The following MARK1 variants were observed in gnomAD, a reference collection of about 807,000 sequenced individuals.
MARK1 encodes the protein serine/threonine-protein kinase MARK1.
A neutral mutation model predicts 96.3 loss-of-function variants in MARK1; 40 were observed. That is an observed-to-expected ratio of 0.42 (90% CI 0.32 to 0.54). The LOEUF is 0.54. Among genes scored for constraint, MARK1 ranks in the 20% least tolerant of loss-of-function variants. The probability of loss-of-function intolerance (pLI) is 0.16; values close to 1 mark genes in which losing one functional copy is unlikely to be tolerated. For missense variants in MARK1, 719 were observed against 984.6 expected (o/e 0.73, Z 3.61); for synonymous variants, 317 against 341.2 (o/e 0.93, Z 0.78).
At chr1:220,547,906 C>G (rs991139950) in intron 1 of MARK1, among the ~76,000 whole-genome samples, 6 of 152,196 alleles carry the variant, frequency 3.9e-5, no homozygotes, top group Non-Finnish European at 8.8e-5. Flanking sequence ...ACACATAATG[C>G]TGCAAACTCC....
intron 1 of MARK1, among the ~76,000 whole-genome samples, chr1:220,553,689 A>G (rs576196416): frequency 1.3e-5 from 2 of 152,282 alleles, no homozygotes; most frequent in Admixed American, 1.3e-4. Flanking sequence ...CCTATGGTCA[A>G]TTGCTCAGTG....
intron 1 of MARK1, among the ~76,000 whole-genome samples, chr1:220,544,537 T>C (rs1048689545): frequency 6.6e-6 from 1 of 152,214 alleles, no homozygotes; most frequent in Non-Finnish European, 1.5e-5. Flanking sequence ...CCCCTTGATA[T>C]TGGACTTCCC....
intron 17 of MARK1, 27 bp from the exon 18 acceptor site, chr1:220,661,785 T>C: frequency 6.6e-7 from 1 of 1,517,874 alleles, no homozygotes. Context: ...TTTGCTTTCA[T>C]TCTTTCCCTT....
In MARK1 at chr1:220,534,488, A is replaced by G. The variant is rs187120295; in HGVS notation, c.51+5615A>G. Among the ~76,000 whole-genome samples, 390 of 152,136 alleles carry G rather than the reference A, an allele frequency of 2.6e-3. 4 individuals carry two copies. In the South Asian group the frequency reaches 0.031, roughly 12 times the overall value. On this transcript the variant is annotated intron_variant, in intron 1 of 17. Coordinates refer to ENST00000366917, the MANE Select transcript of MARK1 (RefSeq NM_018650.5). The stretch of plus-strand genomic sequence containing the variant: ...TTTGTTAACCACCAATCTACTCTCT[A>G]TCTTCATGAGATCGCTTTTTTAACT...
At chr1:220,563,171 A>G (rs1275644268) in intron 1 of MARK1, among the ~76,000 whole-genome samples, 1 of 152,194 alleles carries the variant, frequency 6.6e-6, no homozygotes, top group Non-Finnish European at 1.5e-5. Context: ...AGCTCCTAAC[A>G]CTGGAAGGGA....
chr1:220,573,128 A>ATTTGTTTG (rs370445682), intron 1 of MARK1, among the ~76,000 whole-genome samples: 1 of 150,828 alleles, frequency 6.6e-6, no homozygotes, highest in African/African-American at 2.4e-5. Context: ...GGGTTTTTTT[A>ATTTGTTTG]TTTGTTTGTT....
intron 1 of MARK1, among the ~76,000 whole-genome samples, chr1:220,562,530 G>A (rs1238013986): frequency 6.6e-6 from 1 of 152,014 alleles, no homozygotes; most frequent in Non-Finnish European, 1.5e-5. Context: ...ATGAGTAAAG[G>A]AATTTGAAGG....
At chr1:220,540,576 T>C (rs1156877883) in intron 1 of MARK1, among the ~76,000 whole-genome samples, 1 of 152,254 alleles carries the variant, frequency 6.6e-6, no homozygotes, top group Non-Finnish European at 1.5e-5. Context: ...CGGTAAGTTA[T>C]ATGTTTCTAG....
chr1:220,556,641 G>C (rs1662285864), intron 1 of MARK1, among the ~76,000 whole-genome samples: 1 of 152,012 alleles, frequency 6.6e-6, no homozygotes, highest in South Asian at 2.1e-4. Flanking sequence ...ATATAAATTT[G>C]TTTAAAAAGT....
intron 13 of MARK1, among the ~76,000 whole-genome samples, chr1:220,642,248 G>T (rs914481102): frequency 6.6e-6 from 1 of 152,124 alleles, no homozygotes; most frequent in South Asian, 2.1e-4. Flanking sequence ...AGTTCCCAGC[G>T]TTGGGGGCAA....
At chr1:220,557,451 C>T (rs940648052) in intron 1 of MARK1, among the ~76,000 whole-genome samples, 15 of 151,982 alleles carry the variant, frequency 9.9e-5, no homozygotes, top group African/African-American at 3.6e-4. Context: ...CCTAGCTACT[C>T]GGGAGGCTGA....
At chr1:220,660,857 C>T (rs1669439576) in intron 17 of MARK1, among the ~76,000 whole-genome samples, 1 of 152,164 alleles carries the variant, frequency 6.6e-6, no homozygotes, top group African/African-American at 2.4e-5. Context: ...AGACAAAATT[C>T]CTTGCCCTCC....
intron 13 of MARK1, among the ~76,000 whole-genome samples, chr1:220,642,428 G>T (rs958398957): frequency 3.3e-5 from 5 of 152,164 alleles, no homozygotes; most frequent in Non-Finnish European, 5.9e-5. Context: ...ACCAGGCAGG[G>T]CCTCCCTGCA....
chr1:220,562,157 T>C (rs1012587723), intron 1 of MARK1, among the ~76,000 whole-genome samples: 2 of 152,178 alleles, frequency 1.3e-5, no homozygotes, highest in Admixed American at 6.5e-5. Flanking sequence ...GGCCTTTTGA[T>C]GATACTATTA....
intron 1 of MARK1, among the ~76,000 whole-genome samples, chr1:220,532,422 C>T (rs934588788): frequency 1.3e-5 from 2 of 152,146 alleles, no homozygotes; most frequent in African/African-American, 4.8e-5. Context: ...GTCTGTGTTG[C>T]CAGTGCCCAG....
chr1:220,568,677 A>G lies in MARK1; in HGVS notation c.52-10677A>G, dbSNP rs145093777. Among the ~76,000 whole-genome samples, 298 of 152,196 alleles carry G rather than the reference A, an allele frequency of 2.0e-3. 3 individuals carry two copies. Among genetic ancestry groups the G allele is most frequent in the African/African-American group, 6.7e-3 (280 of 41,546 alleles). ...CTAGCTCCCTTTTCTAGAGGTAACT[A>G]CTTTCTCTTCTGTGTCTTGTGTAAC... is the stretch of plus-strand genomic sequence containing the variant. On this transcript the variant is annotated intron_variant, in intron 1 of 17. Coordinates refer to ENST00000366917, the MANE Select transcript of MARK1 (RefSeq NM_018650.5).
chr1:220,652,978 TA>T, intron 15 of MARK1, 122 bp from the exon 16 acceptor site: 1 of 1,085,998 alleles, frequency 9.2e-7, no homozygotes, highest in Non-Finnish European at 1.3e-6. Flanking sequence ...CTCACATCTC[TA>T]ATGTGAACAA....
chr1:220,578,711 AG>A (rs2102834223), intron 1 of MARK1, among the ~76,000 whole-genome samples: 1 of 152,330 alleles, frequency 6.6e-6, no homozygotes, highest in South Asian at 2.1e-4. Flanking sequence ...TTAATGAAGC[AG>A]CCCTGAGCTA....
chr1:220,639,052 T>C (rs896054256), intron 13 of MARK1, among the ~76,000 whole-genome samples: 2 of 152,172 alleles, frequency 1.3e-5, no homozygotes. Context: ...GAGACCAGCC[T>C]GGGCAACCTA....
Sources: gnomAD v4.1 joint callset for allele counts (sites outside exome capture counted in the v4.1 genomes callset) on GRCh38, gnomAD v4.1.1 for gene constraint, MANE v1.5 for transcripts, NCBI Gene and HGNC (gene_info 2026-07-23, HGNC 2026-07-21) for gene names.